TEAD1: variants seen among roughly 807,000 people sequenced by gnomAD.
TEAD1 encodes TEA domain transcription factor 1, also known as transcriptional enhancer factor TEF-1.
TEAD1 carries 9 observed loss-of-function variants against 54.9 expected under a neutral mutation model. The observed-to-expected ratio is 0.16, with a 90% CI of 0.10 to 0.29. The LOEUF (loss-of-function observed/expected upper bound fraction) is 0.29. Ranked by LOEUF, TEAD1 falls within the 10% of genes least tolerant of loss-of-function variation. The pLI is 1.00. For missense variants in TEAD1, 387 were observed against 535.9 expected (o/e 0.72, Z 2.74); for synonymous variants, 200 against 187.8 (o/e 1.07, Z -0.53).
intron 9 of TEAD1, 140 bp downstream of exon 9, chr11:12,883,265 A>G (rs1460337779): frequency 7.3e-7 from 1 of 1,373,268 alleles, no homozygotes; most frequent in Non-Finnish European, 1.0e-6. Context: ...CTAGGAAAGA[A>G]TAGCCTTTTG....
chr11:12,870,338 G>C (rs1248025986), intron 5 of TEAD1, among the ~76,000 whole-genome samples: 1 of 152,138 alleles, frequency 6.6e-6, no homozygotes, highest in Non-Finnish European at 1.5e-5. Context: ...ACGAGGTTCA[G>C]GACATATAGG....
chr11:12,887,105 T>G (rs900687875), intron 9 of TEAD1, among the ~76,000 whole-genome samples: 3 of 149,854 alleles, frequency 2.0e-5, no homozygotes, highest in African/African-American at 7.4e-5. Context: ...TTGTTTTTTT[T>G]TTTTTTGGAG....
At chr11:12,679,153 G>C (rs1345202481) in intron 2 of TEAD1, among the ~76,000 whole-genome samples, 2 of 152,068 alleles carry the variant, frequency 1.3e-5, no homozygotes, top group Non-Finnish European at 2.9e-5. Context: ...TGGGGAGTAG[G>C]GGGAAGGTCC....
intron 9 of TEAD1, among the ~76,000 whole-genome samples, chr11:12,893,871 C>A (rs534903274): frequency 1.3e-5 from 2 of 152,316 alleles, no homozygotes; most frequent in African/African-American, 4.8e-5. Context: ...GAACCCACTT[C>A]AGATTCACTT....
At chr11:12,905,981 T>C (rs1388762451) in intron 10 of TEAD1, among the ~76,000 whole-genome samples, 2 of 152,110 alleles carry the variant, frequency 1.3e-5, no homozygotes, top group East Asian at 3.9e-4. Flanking sequence ...TGGAGGCGAA[T>C]GGGATGGTGA....
chr11:12,862,425 C>T (rs1214551179), intron 4 of TEAD1, 111 bp downstream of exon 4: 2 of 884,896 alleles, frequency 2.3e-6, no homozygotes, highest in East Asian at 2.5e-5. Context: ...TTTGAGTTCC[C>T]TGTAAGGACG....
chr11:12,692,354 C>T (rs1204148430), intron 2 of TEAD1, among the ~76,000 whole-genome samples: 1 of 152,106 alleles, frequency 6.6e-6, no homozygotes, highest in African/African-American at 2.4e-5. Flanking sequence ...TGAAACAAAG[C>T]TGTATGCGTT....
At chr11:12,746,165 C>T (rs985821337) in intron 2 of TEAD1, among the ~76,000 whole-genome samples, 1 of 152,188 alleles carries the variant, frequency 6.6e-6, no homozygotes, top group Non-Finnish European at 1.5e-5. Flanking sequence ...GCACATCAAG[C>T]TAGCAGCATT....
At chr11:12,781,740 C>A (rs1945549717) in intron 3 of TEAD1, among the ~76,000 whole-genome samples, 1 of 150,450 alleles carries the variant, frequency 6.6e-6, no homozygotes, top group South Asian at 2.1e-4. Context: ...GATGGCATAA[C>A]CACTCTGGAA....
chr11:12,714,936 C>T (rs763720917), intron 2 of TEAD1, among the ~76,000 whole-genome samples: 1 of 152,168 alleles, frequency 6.6e-6, no homozygotes, highest in South Asian at 2.1e-4. Context: ...CAAATGCTGT[C>T]ACATCCTGAG....
In TEAD1 at chr11:12,776,600, TA is replaced by T. The variant is rs1945424257; in HGVS notation, c.202+12170del. Among the ~76,000 whole-genome samples, 3 of 152,018 alleles carry T rather than the reference TA, an allele frequency of 2.0e-5. No individual in the cohort carries two copies. The South Asian group carries it at 6.2e-4, about 32-fold the overall frequency. On this transcript the variant is annotated intron_variant, in intron 3 of 12. Transcript: ENST00000527636. ...ATTTAATTATAATTTTTAATTATAA[TA>T]AAATAAACTTGCAATCCGAATGTGT...
Position 12,883,047 on chromosome 11 carries a change from A to G in TEAD1, c.621A>G (p.Gln207=), listed in dbSNP as rs1158382071. ...CAGCTCCCTCAGTCCCTGCCTGGCA[A>G]GGTCGCTCCATTGGCACAACCAAGC... Residue 207 remains glutamine, a synonymous_variant, in exon 9 of 13, where the codon CAA becomes CAG. Transcript: ENST00000527636. 3 of 1,614,056 alleles carry G rather than the reference A, an allele frequency of 1.9e-6. No individual in the cohort carries two copies. The highest frequency in any genetic ancestry group is 2.2e-5 in the East Asian group (1 of 44,890).
chr11:12,707,096 G>A (rs7949010), intron 2 of TEAD1, among the ~76,000 whole-genome samples: 56,579 of 142,014 alleles, frequency 0.4, 11,255 homozygotes, highest in South Asian at 0.61. Flanking sequence ...TTAAGGGAAA[G>A]AAATAGCACT....
chr11:12,787,962 CTTT>C (rs35774588), intron 3 of TEAD1, among the ~76,000 whole-genome samples: 5 of 131,680 alleles, frequency 3.8e-5, no homozygotes, highest in African/African-American at 5.7e-5. Flanking sequence ...AAATCTTTCA[CTTT>C]TTTTTTTTTT....
At chr11:12,694,071 G>C (rs1943524178) in intron 2 of TEAD1, among the ~76,000 whole-genome samples, 1 of 152,234 alleles carries the variant, frequency 6.6e-6, no homozygotes, top group Non-Finnish European at 1.5e-5. Flanking sequence ...CTGCTCTGCT[G>C]TGCGGCCCGG....
intron 3 of TEAD1, among the ~76,000 whole-genome samples, chr11:12,832,164 G>C (rs753132030): frequency 2.7e-4 from 41 of 151,872 alleles, no homozygotes; most frequent in Non-Finnish European, 4.9e-4. Flanking sequence ...CAGGTTTTTT[G>C]TTTACAATTC....
At chr11:12,681,415 T>C (rs1943218763) in intron 2 of TEAD1, among the ~76,000 whole-genome samples, 1 of 152,220 alleles carries the variant, frequency 6.6e-6, no homozygotes, top group African/African-American at 2.4e-5. Flanking sequence ...TATTACCATT[T>C]ATATAATTTG....
At chr11:12,677,156 T>C (rs1215115849) in intron 2 of TEAD1, among the ~76,000 whole-genome samples, 1 of 151,672 alleles carries the variant, frequency 6.6e-6, no homozygotes, top group African/African-American at 2.4e-5. Flanking sequence ...GGTTGGAGGG[T>C]TTTTTTTCTT....
intron 3 of TEAD1, among the ~76,000 whole-genome samples, chr11:12,803,541 C>T (rs1157279263): frequency 6.6e-6 from 1 of 152,218 alleles, no homozygotes; most frequent in Non-Finnish European, 1.5e-5. Context: ...TGAGTGCAGT[C>T]TGTGTGGCCC....
Sources: gnomAD v4.1 joint callset for allele counts (sites outside exome capture counted in the v4.1 genomes callset) on GRCh38, gnomAD v4.1.1 for gene constraint, MANE v1.5 for transcripts, NCBI Gene and HGNC (gene_info 2026-07-23, HGNC 2026-07-21) for gene names.